ABR: variants seen among roughly 807,000 people sequenced by gnomAD.
ABR encodes the protein active breakpoint cluster region-related protein.
Under a neutral mutation model 107.2 loss-of-function variants are expected in ABR, and 35 were observed. The ratio of observed to expected loss-of-function variants is 0.33; its 90% CI spans 0.25 to 0.43. The LOEUF (loss-of-function observed/expected upper bound fraction) is 0.43, where lower values mean the gene tolerates loss of function less well. ABR is among the 20% of genes least tolerant of loss of function. The pLI, the probability that ABR is intolerant of heterozygous loss-of-function variation, is 1.00. For missense variants in ABR, 815 were observed against 1,115.2 expected, an observed-to-expected ratio of 0.73 and a Z score of 3.83; for synonymous variants, 498 against 462.0, an observed-to-expected ratio of 1.08 and a Z score of -1.00.
chr17:1,127,266 C>T (rs1425498443), intron 1 of ABR, among the ~76,000 whole-genome samples: 1 of 151,314 alleles, frequency 6.6e-6, no homozygotes, highest in Non-Finnish European at 1.5e-5. Flanking sequence ...ACACCACACA[C>T]CCGGGCAGGA....
Position 1,051,796 on chromosome 17 carries a change from G to A in ABR, c.1562-1162C>T, listed in dbSNP as rs2151035825. Reference sequence around the variant, plus strand: ...TCCATCAGAACAGCTTTCCTGGCCGGGCAAGGTGGCTCACGCCTGTAAATC... The same window carrying A: ...TCCATCAGAACAGCTTTCCTGGCCGAGCAAGGTGGCTCACGCCTGTAAATC... On this transcript the variant is annotated intron_variant, in intron 14 of 22. Coordinates refer to ENST00000302538, the MANE Select transcript of ABR (RefSeq NM_021962.5). This position sits in a 1 kb window ranked among gnomAD's most constrained non-coding sequence, Gnocchi z 4.3. Among the ~76,000 whole-genome samples, 1 of 152,290 alleles carries A rather than the reference G, an allele frequency of 6.6e-6. No homozygotes were observed. The highest frequency in any genetic ancestry group is 1.5e-5 in the Non-Finnish European group (1 of 68,018).
intron 1 of ABR, among the ~76,000 whole-genome samples, chr17:1,176,112 G>C (rs1488447967): frequency 6.6e-6 from 1 of 151,580 alleles, no homozygotes; most frequent in African/African-American, 2.4e-5. Flanking sequence ...AAAAAAAGAA[G>C]TGTGTGAGGG....
intron 16 of ABR, among the ~76,000 whole-genome samples, chr17:1,042,996 C>T (rs2030906624): frequency 6.6e-6 from 1 of 152,154 alleles, no homozygotes; most frequent in Non-Finnish European, 1.5e-5. Flanking sequence ...TGGACAAATT[C>T]GTACAGACAG....
chr17:1,193,275 C>T (rs1002022817), intron 1 of ABR, among the ~76,000 whole-genome samples: 6 of 150,954 alleles, frequency 4.0e-5, no homozygotes, highest in Non-Finnish European at 8.9e-5. Context: ...ACACCCCCTC[C>T]CCCTCAATAC....
At chr17:1,118,309 T>C (rs1268891353) in intron 2 of ABR, among the ~76,000 whole-genome samples, 395 of 34,400 alleles carry the variant, frequency 0.011, no homozygotes, top group Admixed American at 0.015. Context: ...GCCTGAGTTC[T>C]CCCCAGCGTT....
Position 1,051,286 on chromosome 17 carries a change from A to G in ABR, c.1562-652T>C, listed in dbSNP as rs1397287964. ...TCTCTCCCCCCACGACGTAAACACC[A>G]TGTGGAGAGAAGCCTGGGTTTTCCT... On this transcript the variant is annotated intron_variant, in intron 14 of 22. Coordinates refer to ENST00000302538, the MANE Select transcript of ABR (RefSeq NM_021962.5). This position sits in a 1 kb window ranked among gnomAD's most constrained non-coding sequence, Gnocchi z 4.3. Among the ~76,000 whole-genome samples the G allele has an allele frequency of 6.6e-6, 1 of 152,100 alleles. No homozygotes were observed. The highest frequency in any genetic ancestry group is 1.5e-5 in the Non-Finnish European group (1 of 68,008).
At chr17:1,049,872 C>T (rs1032458550) in intron 16 of ABR, 178 bp downstream of exon 16, 38 of 833,150 alleles carry the variant, frequency 4.6e-5, no homozygotes, top group African/African-American at 5.1e-5. Flanking sequence ...CCTGGGCTTC[C>T]GGGGCCACAA....
At chr17:1,074,337 T>C (rs867364230) in intron 6 of ABR, among the ~76,000 whole-genome samples, 1,870 of 109,464 alleles carry the variant, frequency 0.017, no homozygotes, top group Non-Finnish European at 0.026. Flanking sequence ...ACCTGCCACA[T>C]GCAGGACCCC....
intron 1 of ABR, among the ~76,000 whole-genome samples, chr17:1,193,968 A>C (rs1378998474): frequency 2.0e-5 from 3 of 152,110 alleles, no homozygotes; most frequent in Non-Finnish European, 4.4e-5. Context: ...TGCTGGGATA[A>C]CAGGCGTGAG....
chr17:1,055,997 A>G, intron 14 of ABR, 38 bp downstream of exon 14: 14 of 1,590,338 alleles, frequency 8.8e-6, no homozygotes, highest in Admixed American at 1.7e-5. Flanking sequence ...CAGAATCCAC[A>G]ATGGCCCACC....
intron 10 of ABR, among the ~76,000 whole-genome samples, chr17:1,062,781 C>G: frequency 6.8e-6 from 1 of 147,516 alleles, no homozygotes; most frequent in South Asian, 2.2e-4. Context: ...GCATGTTCCT[C>G]TAGACGCTGT....
chr17:1,218,907 T>C (rs576710734), intron 1 of ABR, among the ~76,000 whole-genome samples: 4 of 152,310 alleles, frequency 2.6e-5, no homozygotes, highest in African/African-American at 9.6e-5. Context: ...AATCGCGTTT[T>C]TCAGAGAGCT....
At chr17:1,025,369 T>A (rs2072108886) in intron 16 of ABR, among the ~76,000 whole-genome samples, 1 of 152,184 alleles carries the variant, frequency 6.6e-6, no homozygotes, top group Admixed American at 6.5e-5. Flanking sequence ...AACAGCACCT[T>A]GTAAGTGTCA....
Position 1,005,095 on chromosome 17 carries a change from C to T in ABR, c.*985G>A, listed in dbSNP as rs2069925579. 5.0e-6 allele frequency: 2 copies of T among 398,890 alleles called. No individual in the cohort carries two copies. Among genetic ancestry groups the T allele is most frequent in the African/African-American group, 4.1e-5 (2 of 48,754 alleles). The allele number at this position is 398,890 out of a possible 1,614,324, so 24.7% of individuals were successfully genotyped here. On this transcript the variant is annotated 3_prime_UTR_variant, in exon 23 of 23. Coordinates refer to ENST00000302538, the MANE Select transcript of ABR (RefSeq NM_021962.5). ...CCGCGACCCGGGACACCCAGCGTGG[C>T]ATGTGCATTCCTCCCCCGTTCAGCC...
upstream of ABR, among the ~76,000 whole-genome samples, chr17:1,180,997 C>T (rs1333146621): frequency 6.6e-6 from 1 of 152,158 alleles, no homozygotes; most frequent in Non-Finnish European, 1.5e-5. Flanking sequence ...CCAGGGGGCC[C>T]GGTACCCCAG....
At chr17:1,057,671 G>C (rs990690725) in intron 12 of ABR, among the ~76,000 whole-genome samples, 2 of 148,922 alleles carry the variant, frequency 1.3e-5, no homozygotes. Context: ...GTGTGTGTGT[G>C]TGTGTGTGTG....
chr17:1,153,459 G>A (rs567414010), intron 1 of ABR, among the ~76,000 whole-genome samples: 54 of 131,142 alleles, frequency 4.1e-4, no homozygotes, highest in East Asian at 1.4e-3. Context: ...AGGCACACCT[G>A]CGGGAGGGCT....
intron 1 of ABR, among the ~76,000 whole-genome samples, chr17:1,209,708 TTC>T (rs2042866309): frequency 1.3e-5 from 2 of 152,196 alleles, no homozygotes; most frequent in Admixed American, 6.5e-5. Flanking sequence ...GTCCACATCC[TTC>T]TCTCTTAACT....
intron 2 of ABR, among the ~76,000 whole-genome samples, chr17:1,117,514 G>A (rs1199344697): frequency 1.4e-4 from 2 of 14,172 alleles, no homozygotes; most frequent in African/African-American, 2.5e-4. Flanking sequence ...TTATCCCTGA[G>A]CCGGAGTTCC....
Sources: gnomAD v4.1 joint callset for allele counts (sites outside exome capture counted in the v4.1 genomes callset) on GRCh38, gnomAD v4.1.1 for gene constraint, Gnocchi (gnomAD v3.1) non-coding constraint, MANE v1.5 for transcripts, NCBI Gene and HGNC (gene_info 2026-07-23, HGNC 2026-07-21) for gene names.